Variants in SARNP observed in about 807,000 individuals in gnomAD.
SARNP encodes SAP domain-containing ribonucleoprotein.
In SARNP, 5 loss-of-function variants were observed where a neutral mutation model predicts 38.1. The observed-to-expected ratio is 0.13, with a 90% CI of 0.07 to 0.28. SARNP has a LOEUF of 0.28. Among genes scored for constraint, SARNP ranks in the 10% least tolerant of loss-of-function variants. The pLI is 1.00. For synonymous variants in SARNP, 84 were observed against 80.6 expected, an observed-to-expected ratio of 1.04 and a Z score of -0.23; for missense variants, 180 against 243.9, an observed-to-expected ratio of 0.74 and a Z score of 1.75.
chr12:55,777,929 G>T (rs1879229608), intron 9 of SARNP, among the ~76,000 whole-genome samples: 1 of 152,172 alleles, frequency 6.6e-6, no homozygotes, highest in South Asian at 2.1e-4. Flanking sequence ...TAGCCAAGTT[G>T]TTCAACAGCA....
intron 8 of SARNP, among the ~76,000 whole-genome samples, chr12:55,789,686 G>A (rs2136194344): frequency 6.6e-6 from 1 of 152,222 alleles, no homozygotes; most frequent in African/African-American, 2.4e-5. Flanking sequence ...GCTCACGCCT[G>A]TAATCCTAGA....
intron 1 of SARNP, among the ~76,000 whole-genome samples, chr12:55,807,643 A>G (rs1399244723): frequency 6.7e-6 from 1 of 149,118 alleles, no homozygotes; most frequent in Non-Finnish European, 1.5e-5. Context: ...TCTACTAAAA[A>G]TACAAAAAAA....
chr12:55,793,749 C>T (rs1374809379), intron 7 of SARNP: 2 of 152,694 alleles, frequency 1.3e-5, no homozygotes, highest in Middle Eastern at 3.4e-3. Flanking sequence ...AAAATGGGAA[C>T]GTACTGTTAA....
At chr12:55,768,061 C>A (rs572995392) in intron 9 of SARNP, among the ~76,000 whole-genome samples, 1 of 152,052 alleles carries the variant, frequency 6.6e-6, no homozygotes. Flanking sequence ...AGTTACTGGA[C>A]AAAATCAGTC....
chr12:55,785,816 C>G (rs552432413), intron 9 of SARNP, among the ~76,000 whole-genome samples: 3 of 151,956 alleles, frequency 2.0e-5, no homozygotes, highest in African/African-American at 7.2e-5. Context: ...CTCTGTCACC[C>G]AGGCTGGAGT....
At chr12:55,773,971 A>G (rs1372370454) in intron 9 of SARNP, among the ~76,000 whole-genome samples, 1 of 151,146 alleles carries the variant, frequency 6.6e-6, no homozygotes, top group Non-Finnish European at 1.5e-5. Flanking sequence ...GCCTCCCAAA[A>G]TGCTAGGATT....
chr12:55,774,568 A>AAAAAAAG (rs1879110120), intron 9 of SARNP, among the ~76,000 whole-genome samples: 1 of 81,584 alleles, frequency 1.2e-5, no homozygotes. Context: ...TGAAAAAAAA[A>AAAAAAAG]AAAAAACAAA....
intron 4 of SARNP, 58 bp from the exon 5 acceptor site, chr12:55,796,134 A>T: frequency 8.2e-7 from 1 of 1,222,750 alleles, no homozygotes; most frequent in Non-Finnish European, 1.2e-6. Context: ...CCACAACCTC[A>T]GAAATGTGTA....
intron 9 of SARNP, among the ~76,000 whole-genome samples, chr12:55,766,454 C>G (rs1878831240): frequency 6.6e-6 from 1 of 152,096 alleles, no homozygotes; most frequent in African/African-American, 2.4e-5. Context: ...CCGACAGATG[C>G]CAGTAATTTC....
At chr12:55,803,586 A>G in intron 2 of SARNP, 43 bp downstream of exon 2, 1 of 1,238,966 alleles carries the variant, frequency 8.1e-7, no homozygotes, top group African/African-American at 1.5e-5. Flanking sequence ...CAAAGCCTGA[A>G]AATCCCCTCA....
chr12:55,786,435 GGTTTGTTTGTTTGTTT>G (rs146930644), intron 9 of SARNP, among the ~76,000 whole-genome samples: 2 of 150,862 alleles, frequency 1.3e-5, no homozygotes, highest in East Asian at 2.0e-4. Flanking sequence ...AGTGAGCTTT[GGTTTGTTTGTTTGTTT>G]GTTTGTTTGT....
chr12:55,812,187 T>A (rs1880347587), intron 1 of SARNP, among the ~76,000 whole-genome samples: 1 of 152,216 alleles, frequency 6.6e-6, no homozygotes, highest in Non-Finnish European at 1.5e-5. Flanking sequence ...CCTCTAACAC[T>A]TTGCACATAG....
At chr12:55,812,202 T>C (rs899706275) in intron 1 of SARNP, among the ~76,000 whole-genome samples, 1 of 152,200 alleles carries the variant, frequency 6.6e-6, no homozygotes, top group Admixed American at 6.5e-5. Context: ...ACATAGCTCA[T>C]TCCTTCACGT....
chr12:55,813,928 T>C (rs1237639073), intron 1 of SARNP, among the ~76,000 whole-genome samples: 1 of 152,212 alleles, frequency 6.6e-6, no homozygotes, highest in Non-Finnish European at 1.5e-5. Context: ...GTTTTTCTTA[T>C]TTTCAAATGA....
rs146463424 is a variant in SARNP at position 55,779,519 on chromosome 12, C to G, written c.501+9556G>C. Among the ~76,000 whole-genome samples the G allele has an allele frequency of 3.7e-4, 56 of 152,316 alleles. 1 individual carries two copies. The East Asian group carries it at 0.01, about 28-fold the overall frequency. The stretch of plus-strand genomic sequence containing the variant: ...GAAACTAATTCTTCTACCACTACTT[C>G]CTTTAAAGATATTCTACCAAACTCT... On this transcript the variant is annotated intron_variant, in intron 9 of 10. Coordinates refer to ENST00000336133, the MANE Select transcript of SARNP (RefSeq NM_033082.4).
intron 9 of SARNP, among the ~76,000 whole-genome samples, chr12:55,768,310 A>G (rs774630622): frequency 6.8e-6 from 1 of 147,794 alleles, no homozygotes; most frequent in Non-Finnish European, 1.5e-5. Context: ...TTTAATTTTT[A>G]GTAGAGACAG....
chr12:55,779,713 T>C (rs971547663), intron 9 of SARNP, among the ~76,000 whole-genome samples: 2 of 152,190 alleles, frequency 1.3e-5, no homozygotes, highest in African/African-American at 4.8e-5. Context: ...AAATCCATAG[T>C]ACAGTAGTCC....
chr12:55,754,174 A>G (rs1351661193), downstream of SARNP: 5 of 152,120 alleles, frequency 3.3e-5, no homozygotes, highest in Non-Finnish European at 7.4e-5. Flanking sequence ...TTCCCAAGGG[A>G]ACCATATCCA....
In SARNP at chr12:55,789,093, G is replaced by C. The variant is rs745905885; in HGVS notation, c.483C>G (p.Val161=). 1.2e-6 allele frequency: 2 copies of C among 1,605,174 alleles called. No individual in the cohort carries two copies. Among genetic ancestry groups the C allele is most frequent in the Admixed American group, 1.7e-5 (1 of 57,926 alleles). ...ACATTACCTTTCTGGAGATTGAAGA[G>C]ACATTCAAACCAAATCTTTGAGCTC... is the stretch of plus-strand genomic sequence containing the variant. ...KERAQRFGLN[V]SSISRKSEDD... Residue 161 remains valine, a synonymous_variant, in exon 9 of 11, where the codon GTC becomes GTG. Transcript: ENST00000336133.
Sources: gnomAD v4.1 joint callset for allele counts (sites outside exome capture counted in the v4.1 genomes callset) on GRCh38, gnomAD v4.1.1 for gene constraint, MANE v1.5 for transcripts, NCBI Gene and HGNC (gene_info 2026-07-23, HGNC 2026-07-21) for gene names.